Variants in NPY observed in about 807,000 individuals in gnomAD.
NPY encodes the protein pro-neuropeptide Y.
A neutral mutation model predicts 13.2 loss-of-function variants in NPY; 11 were observed. The observed-to-expected ratio is 0.83, with a 90% confidence interval of 0.52 to 1.38. The LOEUF (loss-of-function observed/expected upper bound fraction) is 1.38. Among genes scored for constraint, NPY ranks in the 40% most tolerant of loss-of-function variants. The pLI is 0.00. For synonymous variants in NPY, 51 were observed against 55.6 expected (o/e 0.92, Z 0.37); for missense variants, 109 against 125.1 (o/e 0.87, Z 0.61).
At chr7:24,289,699 G>A in intron 3 of NPY, 120 bp downstream of exon 3, 2 of 592,256 alleles carry the variant, frequency 3.4e-6, no homozygotes, top group Non-Finnish European at 2.9e-6. Flanking sequence ...GGAGATTTCG[G>A]CAGAAATGAG....
chr7:24,286,338 C>T (rs975187297), intron 2 of NPY, among the ~76,000 whole-genome samples: 1 of 152,200 alleles, frequency 6.6e-6, no homozygotes, highest in East Asian at 1.9e-4. Flanking sequence ...ATTGGTTGAT[C>T]TTAGTTCTAA....
In NPY at chr7:24,285,546, T is replaced by A; in HGVS notation, c.188+118T>A. 9.8e-7 allele frequency: 1 copy of A among 1,017,370 alleles called. No individual in the cohort carries two copies. Among genetic ancestry groups the A allele is most frequent in the Non-Finnish European group, 1.4e-6 (1 of 701,272 alleles). The allele number at this position is 1,017,370 out of a possible 1,614,324, so 63.0% of individuals were successfully genotyped here. ...TTCGCTCTATCCCAGGGCAGGACAG[T>A]ATCAGGCACTTAGTCAGCTCTAGGT... On this transcript the variant is annotated intron_variant, in intron 2 of 3. Coordinates refer to ENST00000242152, the MANE Select transcript of NPY (RefSeq NM_000905.4). The surrounding 1 kb of genome is among the most constrained non-coding windows in gnomAD (Gnocchi z 4.9).
chr7:24,288,034 GAATT>G (rs1218402753), intron 2 of NPY, among the ~76,000 whole-genome samples: 13 of 152,154 alleles, frequency 8.5e-5, no homozygotes, highest in African/African-American at 3.1e-4. Context: ...GGATGATCCA[GAATT>G]AATTAAAGAA....
At chr7:24,286,404 G>A (rs967735829) in intron 2 of NPY, among the ~76,000 whole-genome samples, 3 of 152,124 alleles carry the variant, frequency 2.0e-5, no homozygotes, top group African/African-American at 4.8e-5. Flanking sequence ...TCATTTGACC[G>A]TATCTAAAGG....
At chr7:24,287,664 G>C (rs1357222841) in intron 2 of NPY, among the ~76,000 whole-genome samples, 1 of 151,860 alleles carries the variant, frequency 6.6e-6, no homozygotes, top group Non-Finnish European at 1.5e-5. Context: ...AGACATTTTT[G>C]GTTTTCACAA....
chr7:24,290,490 C>G lies in NPY; in HGVS notation c.269+911C>G, dbSNP rs532186834. Among the ~76,000 whole-genome samples, 8 of 152,226 alleles carry G rather than the reference C, an allele frequency of 5.3e-5. No homozygotes were observed. In the South Asian group the frequency reaches 1.5e-3, roughly 28 times the overall value. ...CTCAGTGAGTGTGACTGACGTGGCT[C>G]TCCATCAAGTTCTCCCTAGAGACTC... On this transcript the variant is annotated intron_variant, in intron 3 of 3. Coordinates refer to ENST00000242152, the MANE Select transcript of NPY (RefSeq NM_000905.4).
chr7:24,287,861 G>T (rs1787448429), intron 2 of NPY, among the ~76,000 whole-genome samples: 1 of 152,166 alleles, frequency 6.6e-6, no homozygotes, highest in Admixed American at 6.5e-5. Flanking sequence ...ATACACTGAT[G>T]CTGGGATCCA....
At chr7:24,291,137 T>C (rs543073056) in intron 3 of NPY, among the ~76,000 whole-genome samples, 1 of 152,228 alleles carries the variant, frequency 6.6e-6, no homozygotes, top group East Asian at 1.9e-4. Flanking sequence ...TGAAGTAAAA[T>C]TAATTGCAAC....
intron 3 of NPY, among the ~76,000 whole-genome samples, chr7:24,289,914 A>G (rs192733116): frequency 5.7e-4 from 87 of 152,250 alleles, no homozygotes; most frequent in Non-Finnish European, 2.9e-5. Flanking sequence ...CTGACTCTAA[A>G]TTGAAATGAC....
Position 24,289,252 on chromosome 7 carries a change from C to T in NPY, c.189-247C>T, listed in dbSNP as rs80045938. Among the ~76,000 whole-genome samples the T allele has an allele frequency of 9.9e-3, 1,506 of 151,988 alleles. 26 individuals are homozygous for T. The highest frequency in any genetic ancestry group is 0.035 in the African/African-American group (1,440 of 41,452). On this transcript the variant is annotated intron_variant, in intron 2 of 3. Transcript: ENST00000242152. ...AGGAATTTGACTAGGAATTTTGGTT[C>T]GGTTTAAATAACCTCCTAGATTATT...
intron 2 of NPY, among the ~76,000 whole-genome samples, chr7:24,288,298 G>A (rs1033545712): frequency 1.3e-5 from 2 of 152,186 alleles, no homozygotes; most frequent in Non-Finnish European, 2.9e-5. Flanking sequence ...GAAAATCTTT[G>A]AGAAAATCTC....
intron 2 of NPY, among the ~76,000 whole-genome samples, chr7:24,286,308 A>T (rs998093173): frequency 4.6e-5 from 7 of 152,218 alleles, no homozygotes; most frequent in African/African-American, 1.4e-4. Context: ...ATTACATAGG[A>T]TTTAAATTTT....
rs762611933 is a variant in NPY at position 24,291,727 on chromosome 7, A to G, written c.*40A>G. ...TGCTCTCTGGCCTTTTCCTATTTTC[A>G]GCCCATATTTCATCGTGTAAAACGA... On this transcript the variant is annotated 3_prime_UTR_variant, in exon 4 of 4. Coordinates refer to ENST00000242152, the MANE Select transcript of NPY (RefSeq NM_000905.4). 9 of 1,613,180 alleles carry G rather than the reference A, an allele frequency of 5.6e-6. 1 individual carries two copies. Among genetic ancestry groups the G allele is most frequent in the Middle Eastern group, 3.3e-4 (2 of 6,082 alleles).
At position 24,291,833 on chromosome 7, in the gene NPY, G is replaced by A. The variant is rs1787629248; in HGVS notation, c.*146G>A. On this transcript the variant is annotated 3_prime_UTR_variant, in exon 4 of 4. Coordinates refer to ENST00000242152, the MANE Select transcript of NPY (RefSeq NM_000905.4). ...TCCTTTGTCATCATTGTATATATGT[G>A]TGTTTAAATAAAGTATCATGCATTC... The A allele has an allele frequency of 8.8e-6, 7 of 795,032 alleles. No individual in the cohort carries two copies. The South Asian group carries it at 1.3e-4, about 14-fold the overall frequency. The allele number at this position is 795,032 out of a possible 1,614,324, so 49.2% of individuals were successfully genotyped here. A position where few individuals can be genotyped will look rare whatever the true frequency, so the allele number is the denominator to read the frequency against.
chr7:24,289,819 C>T (rs1054674255), intron 3 of NPY, among the ~76,000 whole-genome samples: 11 of 152,162 alleles, frequency 7.2e-5, no homozygotes, highest in South Asian at 4.2e-4. Context: ...GCTCCTTTGA[C>T]GATTTTAAAA....
chr7:24,289,272 ATTAT>A (rs1448246922), intron 2 of NPY, among the ~76,000 whole-genome samples: 1 of 152,174 alleles, frequency 6.6e-6, no homozygotes, highest in Non-Finnish European at 1.5e-5. Context: ...AACCTCCTAG[ATTAT>A]TTATTATTTG....
intron 2 of NPY, among the ~76,000 whole-genome samples, chr7:24,288,707 AAAG>A (rs1460240993): frequency 1.3e-5 from 2 of 150,022 alleles, no homozygotes; most frequent in Non-Finnish European, 3.0e-5. Flanking sequence ...AAAAAAAAAA[AAAG>A]AACATTTCCA....
intron 3 of NPY, 26 bp from the exon 4 acceptor site, chr7:24,291,637 C>T: frequency 1.2e-6 from 2 of 1,613,900 alleles, no homozygotes; most frequent in Non-Finnish European, 1.7e-6. Context: ...GCTTTCCTTA[C>T]ATGCTTTGCT....
intron 2 of NPY, among the ~76,000 whole-genome samples, chr7:24,288,404 G>A (rs911545710): frequency 1.5e-4 from 23 of 152,254 alleles, no homozygotes; most frequent in African/African-American, 5.5e-4. Context: ...AAAAAATTTA[G>A]ATATAATTTT....
Sources: gnomAD v4.1 joint callset for allele counts (sites outside exome capture counted in the v4.1 genomes callset) on GRCh38, gnomAD v4.1.1 for gene constraint, Gnocchi (gnomAD v3.1) non-coding constraint, MANE v1.5 for transcripts, NCBI Gene and HGNC (gene_info 2026-07-23, HGNC 2026-07-21) for gene names.